The following PSG5 variants were observed in gnomAD, a reference collection of about 807,000 sequenced individuals.
PSG5 encodes pregnancy specific beta-1-glycoprotein 5.
Under a neutral mutation model 37.7 loss-of-function variants are expected in PSG5, and 53 were observed. The ratio of observed to expected loss-of-function variants is 1.41; its 90% CI spans 1.13 to 1.77. The LOEUF is 1.77. Among genes scored for constraint, PSG5 ranks in the 40% most tolerant of loss-of-function variants. The probability of loss-of-function intolerance (pLI) is 0.00; values close to 1 mark genes in which losing one functional copy is unlikely to be tolerated. For missense variants in PSG5, 547 were observed against 405.2 expected (o/e 1.35, Z -3.00); for synonymous variants, 221 against 155.4 (o/e 1.42, Z -3.14).
intron 2 of PSG5, chr19:43,179,282 G>C: frequency 2.3e-6 from 3 of 1,297,914 alleles, no homozygotes; most frequent in Non-Finnish European, 3.2e-6. Context: ...CCCATGGCAG[G>C]TGTGTGTGTT....
intron 2 of PSG5, chr19:43,179,248 T>TCAGCCCA (rs1172648300): frequency 7.2e-7 from 1 of 1,383,188 alleles, no homozygotes; most frequent in Admixed American, 2.0e-5. Flanking sequence ...TTCCCACCTG[T>TCAGCCCA]CAGCCCACCC....
At position 43,175,407 on chromosome 19, in the gene PSG5, A is replaced by C. The variant is rs147911491; in HGVS notation, c.772T>G (p.Tyr258Asp). The change falls in exon 4 of 6, where the codon TAC (tyrosine) becomes GAC (aspartate). Residue 258 changes from tyrosine (Y) to aspartate (D), a missense_variant. By Grantham distance (160) the Tyr-to-Asp change is radical (BLOSUM62 -3). Coordinates refer to ENST00000342951, the MANE Select transcript of PSG5 (RefSeq NM_002781.4). ...TTAGATTCCGCGAAGCAGGACAAGT[A>C]GAGGTTTTCTCCTGAACGGTAATAG... is the stretch of plus-strand genomic sequence containing the variant. ...FTYYRSGENL[Y>D]LSCFAESNPP... is the part of the protein sequence containing the mutation. The C allele has an allele frequency of 6.2e-4, 993 of 1,612,892 alleles. 21 individuals carry two copies. In the African/African-American group the frequency reaches 6.4e-3, roughly 10 times the overall value.
Position 43,186,045 on chromosome 19 carries a change from C to G in PSG5, c.64+297G>C, listed in dbSNP as rs184982422. Among the ~76,000 whole-genome samples, 5 of 151,036 alleles carry G rather than the reference C, an allele frequency of 3.3e-5. 1 individual carries two copies. Among genetic ancestry groups the G allele is most frequent in the African/African-American group, 1.2e-4 (5 of 40,894 alleles). ...AGGCTGGCGTGCAGTGGTGCTATCT[C>G]GGCTCGCTGCAACTTCTGCCTCCCG... On this transcript the variant is annotated intron_variant, in intron 1 of 5. Transcript: ENST00000342951.
intron 2 of PSG5, among the ~76,000 whole-genome samples, chr19:43,181,078 G>A (rs1254895707): frequency 6.6e-6 from 1 of 151,530 alleles, no homozygotes; most frequent in African/African-American, 2.4e-5. Context: ...AATGGCTCGT[G>A]TGTCTCCCCA....
intron 3 of PSG5, 102 bp from the exon 4 acceptor site, chr19:43,175,571 C>T (rs892692234): frequency 1.5e-5 from 23 of 1,493,204 alleles, no homozygotes; most frequent in South Asian, 9.4e-5. Context: ...AAGACACACC[C>T]TCAAGTCCCA....
chr19:43,179,069 A>G, intron 2 of PSG5: 1 of 1,612,366 alleles, frequency 6.2e-7, no homozygotes, highest in Non-Finnish European at 8.5e-7. Context: ...TTGTGTCTGA[A>G]GCCGCAGGAT....
chr19:43,176,157 A>AG lies in PSG5; in HGVS notation c.431-10_431-9insC. The AG allele has an allele frequency of 6.2e-7, 1 of 1,610,728 alleles. No individual in the cohort carries two copies. Among genetic ancestry groups the AG allele is most frequent in the Non-Finnish European group, 8.5e-7 (1 of 1,178,718 alleles). ...GGGCTTGGGCAGCTTCACTGTGTGG[A>AG]TAACAGAGAGAAGATTGTCCTGTGT... On this transcript the variant is annotated splice_polypyrimidine_tract_variant and intron_variant, in intron 2 of 5. Transcript: ENST00000342951.
rs143369068 is a variant in PSG5, at chr19:43,181,699, C to T, written c.430+3083G>A. ...GGTCTCCATCTTCTGACCTTGTGCCCGCCTCGGCCTCCCAAAGTCCTGGGA... is the reference window on the plus strand; with the variant it reads ...GGTCTCCATCTTCTGACCTTGTGCCTGCCTCGGCCTCCCAAAGTCCTGGGA... On this transcript the variant is annotated intron_variant, in intron 2 of 5. Coordinates refer to ENST00000342951, the MANE Select transcript of PSG5 (RefSeq NM_002781.4). Among the ~76,000 whole-genome samples, 37 of 151,840 alleles carry T rather than the reference C, an allele frequency of 2.4e-4. 2 individuals carry two copies. The highest frequency in any genetic ancestry group is 8.5e-4 in the African/African-American group (35 of 41,334).
chr19:43,175,940 T>C lies in PSG5; in HGVS notation c.639A>G (p.Gly213=). 1 of 1,612,364 alleles carries C rather than the reference T, an allele frequency of 6.2e-7. No homozygotes were observed. The highest frequency in any genetic ancestry group is 8.5e-7 in the Non-Finnish European group (1 of 1,179,172). Residue 213 remains glycine, a synonymous_variant, in exon 3 of 6, where the codon GGA becomes GGG. Coordinates refer to ENST00000342951, the MANE Select transcript of PSG5 (RefSeq NM_002781.4). ...ILPSVTRNET[G]PYECEIRDRD... ...GGTCCCGTATTTCACATTCATAGGGTCCTGTTTCATTTCTCGTGACACTGG... is the reference window on the plus strand; with the variant it reads ...GGTCCCGTATTTCACATTCATAGGGCCCTGTTTCATTTCTCGTGACACTGG...
intron 5 of PSG5, 86 bp from the exon 6 acceptor site, chr19:43,168,289 C>T (rs7259992): frequency 0.19 from 69,252 of 359,348 alleles, 8,705 homozygotes; most frequent in East Asian, 0.49. Context: ...CATAGAAATC[C>T]AGTTACTTCT....
In PSG5 at chr19:43,172,838, G is replaced by A. The variant is rs558654339; in HGVS notation, c.964+2377C>T. Among the ~76,000 whole-genome samples, 12 of 151,654 alleles carry A rather than the reference G, an allele frequency of 7.9e-5. No homozygotes were observed. The South Asian group carries it at 1.9e-3, about 24-fold the overall frequency. ...GAGCTGCAGATTCAATAAAATTCCT[G>A]TCAGAATCTCAGTGACATTTTTGCA... On this transcript the variant is annotated intron_variant, in intron 4 of 5. Transcript: ENST00000342951.
chr19:43,177,508 T>C (rs534376392), intron 2 of PSG5, among the ~76,000 whole-genome samples: 19 of 134,006 alleles, frequency 1.4e-4, no homozygotes, highest in African/African-American at 1.8e-4. Context: ...ATTCCTGCCC[T>C]TTTTTTTTTT....
chr19:43,176,218 A>G (rs527479580), intron 2 of PSG5, 70 bp from the exon 3 acceptor site: 4 of 1,576,990 alleles, frequency 2.5e-6, no homozygotes, highest in South Asian at 2.3e-5. Flanking sequence ...TCCTTCAATC[A>G]GAGTTGGCAT....
Position 43,181,777 on chromosome 19 carries a change from G to A in PSG5, c.430+3005C>T, listed in dbSNP as rs562702368. 8.6e-5 allele frequency among the ~76,000 whole-genome samples: 13 copies of A among 151,886 alleles called. No individual in the cohort carries two copies. The South Asian group carries it at 2.7e-3, about 32-fold the overall frequency. On this transcript the variant is annotated intron_variant, in intron 2 of 5. Transcript: ENST00000342951. ...CATCTCTGAGGGATTTTAATGAGTT[G>A]TTGACTTTTGAGTTTGTTCAACTTT... is the stretch of plus-strand genomic sequence containing the variant.
rs1483342344 is a variant in PSG5, at chr19:43,184,762, G to A, written c.430+20C>T. 6.2e-7 allele frequency: 1 copy of A among 1,611,690 alleles called. No homozygotes were observed. Among genetic ancestry groups the A allele is most frequent in the Non-Finnish European group, 8.5e-7 (1 of 1,178,706 alleles). ...TGACCCCTGTCCCCCAACACCCAGG[G>A]ATCATGTGGAATCACTCACGGTATA... is the stretch of plus-strand genomic sequence containing the variant. On this transcript the variant is annotated intron_variant, in intron 2 of 5. Transcript: ENST00000342951.
rs1022384133 is a variant in PSG5 at position 43,170,279 on chromosome 19, A to G, written c.965-141T>C. The G allele has an allele frequency of 6.8e-6, 6 of 879,022 alleles. No individual in the cohort carries two copies. In the African/African-American group the frequency reaches 8.8e-5, roughly 13 times the overall value. The allele number at this position is 879,022 out of a possible 1,614,324, so 54.5% of individuals were successfully genotyped here. ...TTATTCCTCTTGGGAAATTGATGGGAGATGATTATATTCTTGCAGTTTTTT... is the reference window on the plus strand; with the variant it reads ...TTATTCCTCTTGGGAAATTGATGGGGGATGATTATATTCTTGCAGTTTTTT... On this transcript the variant is annotated intron_variant, in intron 4 of 5. Transcript: ENST00000342951.
chr19:43,175,264 G>T lies in PSG5; in HGVS notation c.915C>A (p.Asn305Lys). Residue 305 changes from asparagine to lysine, a missense_variant, in exon 4 of 6, where the codon AAC becomes AAA. By Grantham distance (94) the Asn-to-Lys change is moderately conservative. Transcript: ENST00000342951. ...TGGAGCTTTCCTTGCCAGTAGCTGA[G>T]TTACGAACAGAGCAAGTATAGAGCC... Reference protein sequence around the residue: ...HRGLYTCSVRNSATGKESSKS... With the variant: ...HRGLYTCSVRKSATGKESSKS... 6.2e-7 allele frequency: 1 copy of T among 1,612,756 alleles called. No individual in the cohort carries two copies. The highest frequency in any genetic ancestry group is 8.5e-7 in the Non-Finnish European group (1 of 1,179,206).
chr19:43,169,018 C>T (rs563838768), intron 5 of PSG5, among the ~76,000 whole-genome samples: 4 of 151,694 alleles, frequency 2.6e-5, no homozygotes, highest in South Asian at 4.2e-4. Context: ...ATTACCAATG[C>T]CTTGGTCCCT....
chr19:43,183,507 T>G, intron 2 of PSG5: 1 of 527,576 alleles, frequency 1.9e-6, no homozygotes, highest in Non-Finnish European at 3.9e-6. Flanking sequence ...CTCTCCTTGA[T>G]CCTTTCATGA....
Sources: allele counts gnomAD v4.1 joint callset (sites outside exome capture counted in the v4.1 genomes callset), GRCh38; gene constraint gnomAD v4.1.1; transcripts MANE v1.5; gene names NCBI Gene and HGNC (gene_info 2026-07-23, HGNC 2026-07-21).